The following CRB1 variants were observed in gnomAD, a reference collection of about 807,000 sequenced individuals.
CRB1 encodes protein crumbs homolog 1.
A neutral mutation model predicts 120.0 loss-of-function variants in CRB1; 83 were observed. The observed-to-expected ratio is 0.69, with a 90% confidence interval of 0.58 to 0.83. CRB1 has a LOEUF of 0.83. Ranked by LOEUF, CRB1 falls within the 40% of genes least tolerant of loss-of-function variation. CRB1 has a pLI of 0.00. For missense variants in CRB1, 1,699 were observed against 1,687.6 expected, an observed-to-expected ratio of 1.01 and a Z score of -0.12; for synonymous variants, 625 against 612.5, an observed-to-expected ratio of 1.02 and a Z score of -0.30.
intron 10 of CRB1, chr1:197,439,082 T>C (rs1482214595): frequency 1.7e-5 from 3 of 179,944 alleles, no homozygotes; most frequent in Admixed American, 1.6e-4. Context: ...ACCTTATCCA[T>C]ATGAGTCTAC....
intron 1 of CRB1, among the ~76,000 whole-genome samples, chr1:197,300,274 G>C (rs576895844): frequency 6.6e-6 from 1 of 152,062 alleles, no homozygotes; most frequent in African/African-American, 2.4e-5. Flanking sequence ...GACTAAGATA[G>C]GCTGAAACTA....
At chr1:197,325,587 AT>A (rs1303984492) in intron 1 of CRB1, among the ~76,000 whole-genome samples, 1 of 151,922 alleles carries the variant, frequency 6.6e-6, no homozygotes, top group African/African-American at 2.4e-5. Context: ...AAATTACTCA[AT>A]TTTTTTTCAA....
intron 2 of CRB1, among the ~76,000 whole-genome samples, chr1:197,337,421 C>T (rs2125317752): frequency 6.6e-6 from 1 of 152,264 alleles, no homozygotes; most frequent in African/African-American, 2.4e-5. Context: ...CCTAGATGTT[C>T]TCTAGTGGTT....
chr1:197,244,476 G>A, the CRB1 span, among the ~76,000 whole-genome samples: 11 of 151,906 alleles, frequency 7.2e-5, no homozygotes, highest in African/African-American at 2.7e-4. Flanking sequence ...AACTTGAAAA[G>A]TGTTTTCTTA....
intron 5 of CRB1, among the ~76,000 whole-genome samples, chr1:197,358,862 G>A (rs1158468660): frequency 1.3e-5 from 2 of 152,122 alleles, no homozygotes; most frequent in African/African-American, 4.8e-5. Flanking sequence ...TAGTCTTTCT[G>A]TGTACCTAAA....
intron 5 of CRB1, among the ~76,000 whole-genome samples, chr1:197,411,291 T>C (rs1425226737): frequency 2.0e-5 from 3 of 152,216 alleles, no homozygotes; most frequent in Admixed American, 6.5e-5. Flanking sequence ...AGCCCCAATG[T>C]CACATAAAAT....
chr1:197,474,359 C>T (rs913674126), intron 11 of CRB1, among the ~76,000 whole-genome samples: 1 of 152,218 alleles, frequency 6.6e-6, no homozygotes, highest in Non-Finnish European at 1.5e-5. Flanking sequence ...AGACTGACCT[C>T]TTAACCACTT....
At chr1:197,301,885 T>C (rs954741664) in intron 1 of CRB1, among the ~76,000 whole-genome samples, 5 of 151,798 alleles carry the variant, frequency 3.3e-5, no homozygotes, top group Non-Finnish European at 2.9e-5. Flanking sequence ...TTGCTTCTTA[T>C]GGATGAAAAA....
chr1:197,237,218 A>T, the CRB1 span, among the ~76,000 whole-genome samples: 3 of 152,190 alleles, frequency 2.0e-5, no homozygotes, highest in East Asian at 5.8e-4. Flanking sequence ...TTTCTTTATT[A>T]CATATTACCT....
intron 1 of CRB1, among the ~76,000 whole-genome samples, chr1:197,306,544 T>C (rs778604906): frequency 1.3e-5 from 2 of 152,142 alleles, no homozygotes; most frequent in Non-Finnish European, 2.9e-5. Flanking sequence ...AAAAAGCCTG[T>C]CATATCCATT....
At chr1:197,276,382 T>A (rs910076784) in intron 1 of CRB1, among the ~76,000 whole-genome samples, 11 of 151,820 alleles carry the variant, frequency 7.2e-5, no homozygotes, top group Non-Finnish European at 1.3e-4. Context: ...TCCATAATTT[T>A]TTTATTTACT....
intron 1 of CRB1, among the ~76,000 whole-genome samples, chr1:197,269,862 TTGAG>T (rs1033976496): frequency 3.9e-5 from 6 of 152,170 alleles, no homozygotes; most frequent in African/African-American, 1.2e-4. Flanking sequence ...TTTGCTCTCT[TTGAG>T]TAAGTGATTT....
intron 1 of CRB1, among the ~76,000 whole-genome samples, chr1:197,315,638 T>C (rs1036558993): frequency 6.6e-6 from 1 of 152,348 alleles, no homozygotes; most frequent in East Asian, 1.9e-4. Flanking sequence ...GACAACCAGC[T>C]GAAGCAAAGT....
At chr1:197,334,569 G>C (rs1276364462) in intron 2 of CRB1, among the ~76,000 whole-genome samples, 2 of 152,166 alleles carry the variant, frequency 1.3e-5, no homozygotes, top group Non-Finnish European at 2.9e-5. Context: ...AGCCTTCATG[G>C]CACCATCTTG....
intron 1 of CRB1, among the ~76,000 whole-genome samples, chr1:197,316,585 A>G (rs1657860290): frequency 6.6e-6 from 1 of 152,282 alleles, no homozygotes; most frequent in Non-Finnish European, 1.5e-5. Context: ...GAATATTAAG[A>G]GACGAAGTCT....
chr1:197,202,732 T>C, the CRB1 span, among the ~76,000 whole-genome samples: 85 of 152,248 alleles, frequency 5.6e-4, no homozygotes, highest in African/African-American at 1.9e-3. Flanking sequence ...ACCAAAAATT[T>C]GGGTGTTGGG....
intron 1 of CRB1, among the ~76,000 whole-genome samples, chr1:197,327,120 A>AAAC (rs1558055690): frequency 7.0e-5 from 5 of 71,042 alleles, no homozygotes; most frequent in Non-Finnish European, 1.0e-4. Flanking sequence ...AAAAAAAAAA[A>AAAC]AAAAAAAAAA....
chr1:197,347,539 T>C, intron 4 of CRB1, 60 bp downstream of exon 4: 1 of 1,504,256 alleles, frequency 6.6e-7, no homozygotes, highest in Non-Finnish European at 9.2e-7. Context: ...CACATATCGC[T>C]TATAGCAAAT....
At chr1:197,407,438 A>C (rs941694672) in intron 5 of CRB1, among the ~76,000 whole-genome samples, 8 of 152,348 alleles carry the variant, frequency 5.3e-5, no homozygotes, top group Non-Finnish European at 8.8e-5. Flanking sequence ...TTTAAATGCC[A>C]ATCCAAAGCC....
Sources: allele counts gnomAD v4.1 joint callset (sites outside exome capture counted in the v4.1 genomes callset), GRCh38; gene constraint gnomAD v4.1.1; transcripts MANE v1.5; gene names NCBI Gene and HGNC (gene_info 2026-07-23, HGNC 2026-07-21).